PABPC4L: variants seen among roughly 807,000 people sequenced by gnomAD.
The protein encoded by PABPC4L is polyadenylate-binding protein 4-like.
For missense variants in PABPC4L, 452 were observed against 451.4 expected (o/e 1.00, Z -0.01); for synonymous variants, 169 against 164.1 (o/e 1.03, Z -0.23).
the PABPC4L span, among the ~76,000 whole-genome samples, chr4:134,044,259 T>TTTATTA: frequency 6.6e-6 from 1 of 150,992 alleles, no homozygotes; most frequent in African/African-American, 2.4e-5. Context: ...ATATTTTACT[T>TTTATTA]TTATTATTAT....
At chr4:134,021,010 C>T in the PABPC4L span, among the ~76,000 whole-genome samples, 1 of 152,066 alleles carries the variant, frequency 6.6e-6, no homozygotes, top group African/African-American at 2.4e-5. Context: ...AAAGCTTGTT[C>T]TTCTAAGTTG....
At chr4:133,951,984 G>A in the PABPC4L span, among the ~76,000 whole-genome samples, 2 of 152,052 alleles carry the variant, frequency 1.3e-5, no homozygotes, top group African/African-American at 4.8e-5. Flanking sequence ...TCACCAATTA[G>A]ATGTCCTAAA....
chr4:134,122,548 C>T, the PABPC4L span, among the ~76,000 whole-genome samples: 1 of 151,742 alleles, frequency 6.6e-6, no homozygotes, highest in Admixed American at 6.6e-5. Context: ...AAGAAGTAAG[C>T]ATTTTAAACA....
the PABPC4L span, among the ~76,000 whole-genome samples, chr4:134,162,126 T>C: frequency 1.1e-4 from 16 of 151,232 alleles, no homozygotes; most frequent in Non-Finnish European, 8.9e-5. Context: ...CCAGAGAAAA[T>C]AACTTTTAAA....
the PABPC4L span, among the ~76,000 whole-genome samples, chr4:134,152,631 C>T: frequency 1.4e-4 from 21 of 152,146 alleles, no homozygotes; most frequent in Non-Finnish European, 8.8e-5. Flanking sequence ...GCCCTCCAAA[C>T]GCTTCCAACC....
the PABPC4L span, among the ~76,000 whole-genome samples, chr4:134,082,039 CTGGAA>C: frequency 6.6e-6 from 1 of 152,012 alleles, no homozygotes. Context: ...ATGACATGTT[CTGGAA>C]GAGGAAATAA....
the PABPC4L span, among the ~76,000 whole-genome samples, chr4:134,135,556 G>T: frequency 6.6e-6 from 1 of 152,060 alleles, no homozygotes; most frequent in Non-Finnish European, 1.5e-5. Flanking sequence ...AAACACAGCC[G>T]GTATGGTGGC....
chr4:134,077,752 T>G, the PABPC4L span, among the ~76,000 whole-genome samples: 1 of 152,192 alleles, frequency 6.6e-6, no homozygotes, highest in African/African-American at 2.4e-5. Flanking sequence ...TCCAGTATTC[T>G]CATATCTGTT....
At chr4:134,160,324 C>T in the PABPC4L span, among the ~76,000 whole-genome samples, 1 of 152,084 alleles carries the variant, frequency 6.6e-6, no homozygotes, top group Non-Finnish European at 1.5e-5. Flanking sequence ...GAGACTTTGC[C>T]TGGTATCCCA....
chr4:134,142,100 A>C, the PABPC4L span, among the ~76,000 whole-genome samples: 1 of 151,780 alleles, frequency 6.6e-6, no homozygotes, highest in East Asian at 1.9e-4. Flanking sequence ...TGAGAAAAAA[A>C]TGCCTATATG....
chr4:134,185,887 C>A, the PABPC4L span, among the ~76,000 whole-genome samples: 2 of 152,032 alleles, frequency 1.3e-5, no homozygotes, highest in African/African-American at 4.8e-5. Flanking sequence ...TCCTATACAC[C>A]AATAACAAAC....
the PABPC4L span, among the ~76,000 whole-genome samples, chr4:134,067,727 T>C: frequency 2.6e-5 from 4 of 152,208 alleles, no homozygotes; most frequent in African/African-American, 9.6e-5. Context: ...ATGTTATATC[T>C]TAGCTCTCAT....
At chr4:134,042,862 A>C in the PABPC4L span, among the ~76,000 whole-genome samples, 2 of 152,190 alleles carry the variant, frequency 1.3e-5, no homozygotes, top group Non-Finnish European at 2.9e-5. Context: ...GAATGAATAT[A>C]GTCACATCTT....
the PABPC4L span, among the ~76,000 whole-genome samples, chr4:134,150,087 CTT>C: frequency 2.8e-5 from 4 of 142,198 alleles, no homozygotes; most frequent in Non-Finnish European, 4.6e-5. Context: ...TTTATTATGT[CTT>C]TTTTTTTTTT....
chr4:134,020,755 T>C, the PABPC4L span, among the ~76,000 whole-genome samples: 1 of 152,122 alleles, frequency 6.6e-6, no homozygotes, highest in Non-Finnish European at 1.5e-5. Flanking sequence ...AGGGAGATAC[T>C]AGTGAAAACC....
chr4:134,200,230 G>A lies in PABPC4L; in HGVS notation c.790C>T (p.Arg264Trp), dbSNP rs1560839622. Residue 264 changes from arginine (R) to tryptophan (W), a missense_variant, in exon 2 of 2, where the codon CGG becomes TGG. Transcript: ENST00000421491. ...DINGQLIFVG[R>W]AQKKVERQAE... is the part of the protein sequence containing the mutation. ...TGTCGCTCGACTTTCTTTTGAGCCCGGCCTACAAAAATCAGCTGCCCATTT... is the reference window on the plus strand; with the variant it reads ...TGTCGCTCGACTTTCTTTTGAGCCCAGCCTACAAAAATCAGCTGCCCATTT... The A allele has an allele frequency of 2.6e-6, 4 of 1,551,960 alleles. No individual in the cohort carries two copies. Among genetic ancestry groups the A allele is most frequent in the Non-Finnish European group, 3.5e-6 (4 of 1,147,216 alleles).
chr4:134,151,330 T>C, the PABPC4L span, among the ~76,000 whole-genome samples: 1 of 152,106 alleles, frequency 6.6e-6, no homozygotes, highest in Non-Finnish European at 1.5e-5. Flanking sequence ...TAGTTGCACA[T>C]GCTAACCATT....
chr4:134,107,390 T>A, the PABPC4L span, among the ~76,000 whole-genome samples: 7 of 151,722 alleles, frequency 4.6e-5, no homozygotes, highest in South Asian at 1.5e-3. Context: ...CAAACAGTTT[T>A]ATTCATAGTT....
At chr4:134,033,027 T>C in the PABPC4L span, among the ~76,000 whole-genome samples, 1 of 151,544 alleles carries the variant, frequency 6.6e-6, no homozygotes, top group African/African-American at 2.4e-5. Context: ...ATCCTTTTTT[T>C]TTTTTTTTTT....
Sources: gnomAD v4.1 joint callset for allele counts (sites outside exome capture counted in the v4.1 genomes callset) on GRCh38, gnomAD v4.1.1 for gene constraint, MANE v1.5 for transcripts, NCBI Gene and HGNC (gene_info 2026-07-23, HGNC 2026-07-21) for gene names.